GULP1: variants seen among roughly 807,000 people sequenced by gnomAD.
GULP1 encodes PTB domain-containing engulfment adapter protein 1.
GULP1 carries 19 observed loss-of-function variants against 40.9 expected under a neutral mutation model. That is an observed-to-expected ratio of 0.46 (90% CI 0.32 to 0.68). The LOEUF (loss-of-function observed/expected upper bound fraction) is 0.68, where lower values mean the gene tolerates loss of function less well. Ranked by LOEUF, GULP1 falls within the 30% of genes least tolerant of loss-of-function variation. The probability of loss-of-function intolerance (pLI) is 0.03; values close to 1 mark genes in which losing one functional copy is unlikely to be tolerated. For synonymous variants in GULP1, 119 were observed against 117.6 expected (o/e 1.01, Z -0.08); for missense variants, 312 against 362.2 (o/e 0.86, Z 1.12).
chr2:188,447,098 T>C (rs1174303386), intron 2 of GULP1, among the ~76,000 whole-genome samples: 1 of 152,102 alleles, frequency 6.6e-6, no homozygotes, highest in African/African-American at 2.4e-5. Context: ...AGGTTATAGG[T>C]AGAATTAAAA....
At chr2:188,419,191 T>A (rs546843830) in intron 2 of GULP1, among the ~76,000 whole-genome samples, 2 of 152,354 alleles carry the variant, frequency 1.3e-5, no homozygotes, top group African/African-American at 4.8e-5. Context: ...TTTGAGATCC[T>A]GATTTCAATT....
chr2:188,570,087 C>A lies in GULP1; in HGVS notation c.576C>A (p.Asn192Lys). 1 of 1,472,164 alleles carries A rather than the reference C, an allele frequency of 6.8e-7. No individual in the cohort carries two copies. Among genetic ancestry groups the A allele is most frequent in the East Asian group, 2.3e-5 (1 of 42,806 alleles). 91.2% of individuals were successfully genotyped at this position (1,472,164 alleles called of 1,614,324 possible). Residue 192 changes from asparagine (N) to lysine (K), a missense_variant, in exon 9 of 12, where the codon AAC (asparagine) becomes AAA (lysine). Physicochemically the swap from Asn to Lys is moderately conservative, Grantham distance 94. Transcript: ENST00000409830. ...AAAATAAAGTACAAGATTTGGAAAACCAACTGAGAATAACTCAAGTATCAG... is the reference window on the plus strand; with the variant it reads ...AAAATAAAGTACAAGATTTGGAAAAACAACTGAGAATAACTCAAGTATCAG... The part of the protein sequence containing the change: ...ELKNKVQDLE[N>K]QLRITQVSAP...
chr2:188,322,594 A>G (rs932245120), intron 1 of GULP1, among the ~76,000 whole-genome samples: 5 of 152,120 alleles, frequency 3.3e-5, no homozygotes, highest in Non-Finnish European at 1.5e-5. Flanking sequence ...AGTTTCTCAC[A>G]ACACTGCAAT....
chr2:188,379,054 A>G (rs2048677683), intron 1 of GULP1, among the ~76,000 whole-genome samples: 1 of 152,184 alleles, frequency 6.6e-6, no homozygotes, highest in Non-Finnish European at 1.5e-5. Context: ...TTTCAAGGAA[A>G]GTGACTTGTG....
At chr2:188,400,046 CA>C (rs746145439) in intron 2 of GULP1, among the ~76,000 whole-genome samples, 1 of 152,040 alleles carries the variant, frequency 6.6e-6, no homozygotes, top group East Asian at 1.9e-4. Flanking sequence ...CTTAAAACAA[CA>C]AAAATTCATT....
At chr2:188,521,529 A>G (rs2065776760) in intron 4 of GULP1, among the ~76,000 whole-genome samples, 1 of 152,146 alleles carries the variant, frequency 6.6e-6, no homozygotes, top group Admixed American at 6.5e-5. Flanking sequence ...ATGAAGGAAG[A>G]GCAAAGTCAT....
chr2:188,399,327 A>C (rs2051756717), intron 2 of GULP1, among the ~76,000 whole-genome samples: 1 of 152,042 alleles, frequency 6.6e-6, no homozygotes, highest in South Asian at 2.1e-4. Context: ...AGTATTTTTT[A>C]ATGTTCTTCC....
chr2:188,544,042 C>T (rs918701468), intron 7 of GULP1, among the ~76,000 whole-genome samples: 6 of 152,114 alleles, frequency 3.9e-5, no homozygotes, highest in African/African-American at 1.2e-4. Context: ...AACATTTAAC[C>T]CTGCCAAATT....
intron 2 of GULP1, among the ~76,000 whole-genome samples, chr2:188,425,590 G>A (rs1387095616): frequency 1.3e-4 from 19 of 151,994 alleles, no homozygotes; most frequent in Admixed American, 1.1e-3. Flanking sequence ...TTACATAACC[G>A]TTTATCTTAC....
At chr2:188,476,525 A>G (rs2061025763) in intron 2 of GULP1, among the ~76,000 whole-genome samples, 1 of 152,174 alleles carries the variant, frequency 6.6e-6, no homozygotes, top group Non-Finnish European at 1.5e-5. Flanking sequence ...TTATCAAGGA[A>G]GAACATTATT....
chr2:188,578,788 A>G (rs1700682388), intron 9 of GULP1, among the ~76,000 whole-genome samples: 1 of 152,134 alleles, frequency 6.6e-6, no homozygotes, highest in South Asian at 2.1e-4. Context: ...GACAATCCAA[A>G]AAATTTGGTT....
intron 1 of GULP1, among the ~76,000 whole-genome samples, chr2:188,300,894 AAC>A (rs2036015551): frequency 6.6e-6 from 1 of 152,190 alleles, no homozygotes; most frequent in Non-Finnish European, 1.5e-5. Flanking sequence ...AATAAGAAAT[AAC>A]TGTCTTTCAG....
At chr2:188,570,169 A>G (rs756390336) in intron 9 of GULP1, 49 bp downstream of exon 9, 3 of 768,586 alleles carry the variant, frequency 3.9e-6, no homozygotes, top group Admixed American at 2.4e-5. Flanking sequence ...GTGATAAAAC[A>G]TCTGTGTATC....
intron 1 of GULP1, among the ~76,000 whole-genome samples, chr2:188,357,258 A>G (rs1372117616): frequency 3.9e-5 from 6 of 152,142 alleles, no homozygotes; most frequent in Admixed American, 3.9e-4. Flanking sequence ...ACCATCAACA[A>G]AGTTAAAAGA....
intron 1 of GULP1, among the ~76,000 whole-genome samples, chr2:188,311,066 T>G (rs1205709666): frequency 6.6e-6 from 1 of 152,188 alleles, no homozygotes; most frequent in Non-Finnish European, 1.5e-5. Context: ...TGAAATTGAA[T>G]AGAGATTTCA....
intron 2 of GULP1, among the ~76,000 whole-genome samples, chr2:188,388,701 G>A (rs1306068555): frequency 6.6e-6 from 1 of 152,174 alleles, no homozygotes; most frequent in Non-Finnish European, 1.5e-5. Context: ...CGCTCGCCAG[G>A]CACTAAGCTA....
chr2:188,527,860 A>G (rs1456976999), intron 5 of GULP1, among the ~76,000 whole-genome samples: 1 of 152,194 alleles, frequency 6.6e-6, no homozygotes, highest in African/African-American at 2.4e-5. Context: ...TACCATGTGT[A>G]TTCACATCTG....
At chr2:188,348,272 T>C (rs1250746053) in intron 1 of GULP1, among the ~76,000 whole-genome samples, 2 of 152,228 alleles carry the variant, frequency 1.3e-5, no homozygotes, top group Admixed American at 1.3e-4. Flanking sequence ...ATAATCTGCT[T>C]TTAATAGATT....
In GULP1 at chr2:188,594,017, A is replaced by T; in HGVS notation, c.*6A>T. 1 of 1,518,670 alleles carries T rather than the reference A, an allele frequency of 6.6e-7. No individual in the cohort carries two copies. Among genetic ancestry groups the T allele is most frequent in the Non-Finnish European group, 9.1e-7 (1 of 1,094,662 alleles). The allele number at this position is 1,518,670 out of a possible 1,614,324, so 94.1% of individuals were successfully genotyped here. A position where few individuals can be genotyped will look rare whatever the true frequency, so the allele number is the denominator to read the frequency against. ...CGTTAGACAGTAGGTGCTGACATCA[A>T]GAACAAGAAATCCTGATTCATGTTA... On this transcript the variant is annotated 3_prime_UTR_variant, in exon 12 of 12. Transcript: ENST00000409830.
Sources: gnomAD v4.1 joint callset for allele counts (sites outside exome capture counted in the v4.1 genomes callset) on GRCh38, gnomAD v4.1.1 for gene constraint, MANE v1.5 for transcripts, NCBI Gene and HGNC (gene_info 2026-07-23, HGNC 2026-07-21) for gene names.